SASH1: variants seen among roughly 807,000 people sequenced by gnomAD.
SASH1 encodes the protein SAM and SH3 domain-containing protein 1.
In SASH1, 44 loss-of-function variants were observed where a neutral mutation model predicts 125.2. That is an observed-to-expected ratio of 0.35 (90% CI 0.28 to 0.45). The LOEUF (loss-of-function observed/expected upper bound fraction) is 0.45, where lower values mean the gene tolerates loss of function less well. SASH1 is among the 20% of genes least tolerant of loss of function. The pLI is 1.00. For synonymous variants in SASH1, 639 were observed against 649.1 expected (o/e 0.98, Z 0.24); for missense variants, 1,426 against 1,614.5 (o/e 0.88, Z 2.00).
At chr6:148,546,385 A>G (rs992041388) in intron 19 of SASH1, among the ~76,000 whole-genome samples, 1 of 152,222 alleles carries the variant, frequency 6.6e-6, no homozygotes, top group Non-Finnish European at 1.5e-5. Flanking sequence ...AGATCCGTCT[A>G]GTGCTGGGCG....
intron 1 of SASH1, among the ~76,000 whole-genome samples, chr6:148,319,194 G>C (rs570455341): frequency 1.3e-5 from 2 of 151,296 alleles, no homozygotes; most frequent in East Asian, 3.9e-4. Context: ...CACCACGTCC[G>C]GCTAATTCTT....
chr6:148,435,841 C>T (rs1333299474), intron 2 of SASH1, among the ~76,000 whole-genome samples: 1 of 152,092 alleles, frequency 6.6e-6, no homozygotes, highest in Non-Finnish European at 1.5e-5. Flanking sequence ...TTAAAATTTT[C>T]TATAATCATA....
At chr6:148,449,807 A>G (rs1337808205) in intron 4 of SASH1, among the ~76,000 whole-genome samples, 2 of 152,330 alleles carry the variant, frequency 1.3e-5, no homozygotes, top group East Asian at 3.9e-4. Context: ...TAACATGGTG[A>G]AAAAGGCCAA....
chr6:148,506,692 G>A (rs970252341), intron 8 of SASH1, among the ~76,000 whole-genome samples: 81 of 152,162 alleles, frequency 5.3e-4, no homozygotes, highest in African/African-American at 1.8e-3. Context: ...TGAGACCTTG[G>A]GCTAATCCTC....
intron 4 of SASH1, among the ~76,000 whole-genome samples, chr6:148,466,773 A>G (rs1777855916): frequency 6.6e-6 from 1 of 151,974 alleles, no homozygotes; most frequent in Non-Finnish European, 1.5e-5. Flanking sequence ...ACAGTGTCTC[A>G]CTATGTTGCC....
At chr6:148,434,742 G>A (rs1355980994) in intron 2 of SASH1, among the ~76,000 whole-genome samples, 3 of 152,018 alleles carry the variant, frequency 2.0e-5, no homozygotes, top group Non-Finnish European at 4.4e-5. Flanking sequence ...TTTTTTTAAT[G>A]TATTTAAAAC....
chr6:148,493,925 G>C (rs1004860547), intron 8 of SASH1, among the ~76,000 whole-genome samples: 18 of 152,240 alleles, frequency 1.2e-4, no homozygotes, highest in African/African-American at 3.9e-4. Context: ...ATTTAGTTTG[G>C]TAAGTTTATT....
At chr6:148,233,472 A>T in the SASH1 span, among the ~76,000 whole-genome samples, 1 of 152,030 alleles carries the variant, frequency 6.6e-6, no homozygotes, top group Non-Finnish European at 1.5e-5. Flanking sequence ...TGAAAAATGT[A>T]TATTGTGTAT....
chr6:148,380,840 T>A (rs765935553), intron 1 of SASH1, among the ~76,000 whole-genome samples: 2 of 152,226 alleles, frequency 1.3e-5, no homozygotes, highest in Admixed American at 6.5e-5. Flanking sequence ...CAAGTTCTCA[T>A]GACTTAACCG....
At chr6:148,273,419 G>C (rs1779112260) in intron 1 of SASH1, among the ~76,000 whole-genome samples, 1 of 150,130 alleles carries the variant, frequency 6.7e-6, no homozygotes, top group Non-Finnish European at 1.5e-5. Flanking sequence ...TTGGCCTCCT[G>C]AGTAGCTGGG....
intron 2 of SASH1, among the ~76,000 whole-genome samples, chr6:148,403,436 A>G (rs991981629): frequency 1.7e-4 from 25 of 148,434 alleles, no homozygotes; most frequent in African/African-American, 5.6e-4. Flanking sequence ...ATTACAACAT[A>G]CATTCATTGT....
chr6:148,340,504 A>G (rs529673410), upstream of SASH1, among the ~76,000 whole-genome samples: 31 of 152,230 alleles, frequency 2.0e-4, no homozygotes, highest in South Asian at 6.4e-3. Context: ...AAAAAAAAAA[A>G]AAGTATCACG....
chr6:148,343,924 G>T (rs1184719365), intron 1 of SASH1, among the ~76,000 whole-genome samples: 1 of 152,102 alleles, frequency 6.6e-6, no homozygotes, highest in Non-Finnish European at 1.5e-5. Flanking sequence ...TAGTTAGGCA[G>T]GTAGACTGGA....
the SASH1 span, among the ~76,000 whole-genome samples, chr6:148,194,003 C>T: frequency 1.4e-4 from 22 of 152,112 alleles, no homozygotes. Flanking sequence ...TTAACTGTAC[C>T]TCTTTTAAGA....
upstream of SASH1, among the ~76,000 whole-genome samples, chr6:148,340,514 G>A (rs902913515): frequency 4.0e-5 from 6 of 149,844 alleles, no homozygotes; most frequent in South Asian, 2.1e-4. Flanking sequence ...AAAGTATCAC[G>A]TGGTGAATAA....
chr6:148,536,323 T>TTTG (rs949561001), intron 16 of SASH1, among the ~76,000 whole-genome samples: 1 of 151,808 alleles, frequency 6.6e-6, no homozygotes, highest in Non-Finnish European at 1.5e-5. Flanking sequence ...AGCTGGGGTT[T>TTTG]TTGTTTTGTT....
the SASH1 span, among the ~76,000 whole-genome samples, chr6:148,248,511 A>C: frequency 6.6e-6 from 1 of 151,846 alleles, no homozygotes; most frequent in Non-Finnish European, 1.5e-5. Context: ...TACCTGATAC[A>C]GGTACATTTG....
chr6:148,294,204 T>C (rs1464811129), intron 1 of SASH1, among the ~76,000 whole-genome samples: 11 of 152,206 alleles, frequency 7.2e-5, no homozygotes, highest in Non-Finnish European at 1.5e-4. Context: ...CACAAGTGGC[T>C]TTGCAGATGT....
rs560939368 is a variant in SASH1 at position 148,392,775 on chromosome 6, G to T, written c.285+2513G>T. Among the ~76,000 whole-genome samples the T allele has an allele frequency of 9.2e-5, 14 of 152,318 alleles. No individual in the cohort carries two copies. In the East Asian group the frequency reaches 2.7e-3, roughly 29 times the overall value. ...CAGGGGCTGACAGCCATCACCACGGGAGCCTGACGCCTTGGCCCAGGTGGG... is the reference window on the plus strand; with the variant it reads ...CAGGGGCTGACAGCCATCACCACGGTAGCCTGACGCCTTGGCCCAGGTGGG... On this transcript the variant is annotated intron_variant, in intron 2 of 19. Transcript: ENST00000367467.
Sources: gnomAD v4.1 joint callset for allele counts (sites outside exome capture counted in the v4.1 genomes callset) on GRCh38, gnomAD v4.1.1 for gene constraint, MANE v1.5 for transcripts, NCBI Gene and HGNC (gene_info 2026-07-23, HGNC 2026-07-21) for gene names.